Variants in SIGLEC10 observed in about 807,000 individuals in gnomAD.
SIGLEC10 encodes sialic acid-binding Ig-like lectin 10.
SIGLEC10 carries 45 observed loss-of-function variants against 68.3 expected under a neutral mutation model. That is an observed-to-expected ratio of 0.66 (90% confidence interval 0.52 to 0.84). The LOEUF (loss-of-function observed/expected upper bound fraction) is 0.84. SIGLEC10 is among the 40% of genes least tolerant of loss of function. SIGLEC10 has a pLI of 0.00. For synonymous variants in SIGLEC10, 379 were observed against 370.8 expected, an observed-to-expected ratio of 1.02 and a Z score of -0.26; for missense variants, 789 against 883.1, an observed-to-expected ratio of 0.89 and a Z score of 1.35.
At chr19:51,415,643 A>T in intron 5 of SIGLEC10, 28 bp from the exon 6 acceptor site, 1 of 1,613,922 alleles carries the variant, frequency 6.2e-7, no homozygotes, top group South Asian at 1.1e-5. Context: ...GACCGGCTCT[A>T]GACGGACCAG....
rs770204126 is a variant in SIGLEC10 at position 51,417,433 on chromosome 19, G to A, written c.70C>T (p.Arg24Ter). 1.1e-5 allele frequency: 18 copies of A among 1,613,852 alleles called. No individual in the cohort carries two copies. Among genetic ancestry groups the A allele is most frequent in the East Asian group, 4.5e-5 (2 of 44,878 alleles). Reference protein sequence around the residue: ...SQAMDGRFWIRVQESVMVPEG... With the variant: ...SQAMDGRFWI ...GGCACCATCACTGACTCCTGCACTC[G>A]TATCCAGAATCTCCCATCCATAGCC... Residue 24 changes from arginine to a stop codon, truncating the protein, a stop_gained, in exon 2 of 11, where the codon CGA (arginine) becomes TGA (stop). Transcript: ENST00000339313. LOFTEE classifies it high-confidence loss of function.
At chr19:51,412,867 A>C (rs113192195) in intron 10 of SIGLEC10, among the ~76,000 whole-genome samples, 10 of 152,036 alleles carry the variant, frequency 6.6e-5, no homozygotes, top group African/African-American at 2.4e-4. Context: ...TCCCAGGCTC[A>C]AGAGATCCTC....
At chr19:51,417,018 C>A in intron 2 of SIGLEC10, 64 bp downstream of exon 2, 1 of 1,597,796 alleles carries the variant, frequency 6.3e-7, no homozygotes, top group Non-Finnish European at 8.5e-7. Flanking sequence ...TCTGCTCAGC[C>A]CATAGGCTGT....
In SIGLEC10 at chr19:51,410,455, C is replaced by T. The variant is rs1987902383; in HGVS notation, c.*644G>A. On this transcript the variant is annotated 3_prime_UTR_variant, in exon 11 of 11. Transcript: ENST00000339313. ...GCCTCATTTTATTCAGCTCCTATTC[C>T]AGATGGAGTTGCTCTGGTTTAAATG... The T allele has an allele frequency of 6.6e-6, 1 of 152,374 alleles. No individual in the cohort carries two copies. The highest frequency in any genetic ancestry group is 1.5e-5 in the Non-Finnish European group (1 of 68,202). The allele number at this position is 152,374 out of a possible 1,614,324, so 9.4% of individuals were successfully genotyped here. A position where few individuals can be genotyped will look rare whatever the true frequency, so the allele number is the denominator to read the frequency against.
chr19:51,411,141 G>C lies in SIGLEC10; in HGVS notation c.2052C>G (p.Pro684=), dbSNP rs904627115. 3 of 1,614,174 alleles carry C rather than the reference G, an allele frequency of 1.9e-6. No homozygotes were observed. The highest frequency in any genetic ancestry group is 1.1e-5 in the South Asian group (1 of 91,086). The change falls in exon 11 of 11, where the codon CCC becomes CCG. Residue 684 remains proline (P), a synonymous_variant. Transcript: ENST00000339313. ...GVRPRPEARM[P]KGTQADYAEV... ...CTGCATAATCCGCCTGGGTGCCCTT[G>C]GGCATCCGGGCCTCAGGCCTGGGTC...
At chr19:51,412,628 C>A (rs1043911917) in intron 10 of SIGLEC10, among the ~76,000 whole-genome samples, 8 of 151,988 alleles carry the variant, frequency 5.3e-5, no homozygotes, top group Non-Finnish European at 1.0e-4. Flanking sequence ...GCACCCATCA[C>A]CATGCCCAGG....
chr19:51,415,408 A>G lies in SIGLEC10; in HGVS notation c.1103T>C (p.Leu368Pro). The change falls in exon 7 of 11, where the codon CTC becomes CCC. Residue 368 changes from leucine to proline, a missense_variant. Physicochemically the swap from Leu to Pro is moderately conservative, Grantham distance 98. Transcript: ENST00000339313. ...VLENLGNGTS[L>P]PVLEGQSLCL... ...CAGGCTTTGGCCCTCCAGTACTGGG[A>G]GAGACGTGCCGTTCCCAAGGTTTTC... The G allele has an allele frequency of 1.2e-6, 2 of 1,606,670 alleles. No individual in the cohort carries two copies. Among genetic ancestry groups the G allele is most frequent in the South Asian group, 2.2e-5 (2 of 90,404 alleles).
chr19:51,416,620 C>A lies in SIGLEC10; in HGVS notation c.706+46G>T, dbSNP rs746164618. The stretch of plus-strand genomic sequence containing the variant: ...CCCACTGGGCTCCTCCACCTCCCCA[C>A]CCACCGGGGCTGTCTGCACACCCCA... On this transcript the variant is annotated intron_variant, in intron 3 of 10. Coordinates refer to ENST00000339313, the MANE Select transcript of SIGLEC10 (RefSeq NM_033130.5). 1.1e-5 allele frequency: 18 copies of A among 1,610,876 alleles called. No homozygotes were observed. The Admixed American group carries it at 2.7e-4, about 24-fold the overall frequency.
At position 51,417,191 on chromosome 19, in the gene SIGLEC10, C is replaced by T. The variant is rs758290398; in HGVS notation, c.312G>A (p.Val104=). 5.6e-6 allele frequency: 9 copies of T among 1,614,250 alleles called. No homozygotes were observed. The highest frequency in any genetic ancestry group is 6.8e-6 in the Non-Finnish European group (8 of 1,180,042). The part of the protein sequence containing the change: ...GDPAKGNCSL[V]IRDAQMQDES... ...CATCCTGCATCTGCGCGTCTCTGAT[C>T]ACCAAGGAGCAGTTCCCCTTGGCGG... is the stretch of plus-strand genomic sequence containing the variant. Residue 104 remains valine (V), a synonymous_variant, in exon 2 of 11, where the codon GTG becomes GTA. Transcript: ENST00000339313.
rs1407489346 is a variant in SIGLEC10, at chr19:51,413,747, C to A, written c.1786G>T (p.Asp596Tyr). 2 of 1,614,142 alleles carry A rather than the reference C, an allele frequency of 1.2e-6. No individual in the cohort carries two copies. Among genetic ancestry groups the A allele is most frequent in the East Asian group, 2.2e-5 (1 of 44,874 alleles). ...PRFSRHSTIL[D>Y]YINVVPTAGP... ...GCCGTCGGGACCACATTGATGTAATCCAGGATCGTGCTGTGCCGGGAGAAC... is the reference window on the plus strand; with the variant it reads ...GCCGTCGGGACCACATTGATGTAATACAGGATCGTGCTGTGCCGGGAGAAC... The change falls in exon 10 of 11, where the codon GAT (aspartate) becomes TAT (tyrosine). Residue 596 changes from aspartate to tyrosine, a missense_variant. Asp to Tyr is a radical substitution (Grantham distance 160). Transcript: ENST00000339313.
At chr19:51,415,541 C>T (rs1015243976) in intron 6 of SIGLEC10, 27 bp downstream of exon 6, 3 of 1,613,796 alleles carry the variant, frequency 1.9e-6, no homozygotes, top group Admixed American at 3.3e-5. Flanking sequence ...CACTGAGAGG[C>T]CTTGGCTCCT....
rs1240643781 is a variant in SIGLEC10 at position 51,415,092 on chromosome 19, C to T, written c.1347G>A (p.Leu449=). 5 of 1,577,560 alleles carry T rather than the reference C, an allele frequency of 3.2e-6. No homozygotes were observed. In the Admixed American group the frequency reaches 9.4e-5, roughly 30 times the overall value. ...SLSVHYSPKL[L]GPSCSWEAEG... ...CAGCCTCCCAGGAGCAGGAGGGGCCCAGCAGCTTCGGGGAGTCTGAGGGGA... is the reference window on the plus strand; with the variant it reads ...CAGCCTCCCAGGAGCAGGAGGGGCCTAGCAGCTTCGGGGAGTCTGAGGGGA... The change falls in exon 8 of 11, where the codon CTG becomes CTA. Residue 449 remains leucine (L), a synonymous_variant. Transcript: ENST00000339313.
At chr19:51,416,405 C>T in intron 3 of SIGLEC10, 48 bp from the exon 4 acceptor site, 1 of 1,613,856 alleles carries the variant, frequency 6.2e-7, no homozygotes, top group African/African-American at 1.3e-5. Flanking sequence ...ATTTATTCCT[C>T]ACACCTGGAA....
chr19:51,413,804 T>C lies in SIGLEC10; in HGVS notation c.1729A>G (p.Arg577Gly). The C allele has an allele frequency of 6.2e-7, 1 of 1,614,128 alleles. No individual in the cohort carries two copies. Among genetic ancestry groups the C allele is most frequent in the Non-Finnish European group, 8.5e-7 (1 of 1,180,010 alleles). Residue 577 changes from arginine to glycine, a missense_variant, in exon 10 of 11, where the codon AGA (arginine) becomes GGA (glycine). Coordinates refer to ENST00000339313, the MANE Select transcript of SIGLEC10 (RefSeq NM_033130.5). ...CTCGGGGTTTCTGTCTGAGTCCGTCTCTTCGGTAGAATCTTCATGCTGAGG... is the reference window on the plus strand; with the variant it reads ...CTCGGGGTTTCTGTCTGAGTCCGTCCCTTCGGTAGAATCTTCATGCTGAGG... ...ALIIMKILPK[R>G]RTQTETPRPR...
rs776372629 is a variant in SIGLEC10, at chr19:51,411,344, G to A, written c.1849C>T (p.Pro617Ser). Residue 617 changes from proline to serine, a missense_variant, in exon 11 of 11, where the codon CCA (proline) becomes TCA (serine). By Grantham distance (74) the Pro-to-Ser change is moderately conservative (BLOSUM62 -1). Coordinates refer to ENST00000339313, the MANE Select transcript of SIGLEC10 (RefSeq NM_033130.5). ...LAQKRNQKAT[P>S]NSPRTPLPPG... is the part of the protein sequence containing the mutation. ...GGAAGAGGGGTCCGAGGACTGTTTG[G>A]TGTGGCTTTCTGATTCCGCTTCTGA... 3 of 1,614,134 alleles carry A rather than the reference G, an allele frequency of 1.9e-6. No homozygotes were observed. Among genetic ancestry groups the A allele is most frequent in the Admixed American group, 1.7e-5 (1 of 60,020 alleles).
rs1988787593 is a variant in SIGLEC10 at position 51,417,252 on chromosome 19, A to G, written c.251T>C (p.Met84Thr). 1.2e-6 allele frequency: 2 copies of G among 1,614,122 alleles called. No individual in the cohort carries two copies. ...GAGCTGGAATCGGCCCCGGGTGCTCATTTCCACCTCTCGACTCTGGTGGTT... is the reference window on the plus strand; with the variant it reads ...GAGCTGGAATCGGCCCCGGGTGCTCGTTTCCACCTCTCGACTCTGGTGGTT... The part of the protein sequence containing the change: ...ATNHQSREVE[M>T]STRGRFQLTG... The change falls in exon 2 of 11, where the codon ATG becomes ACG. Residue 84 changes from methionine to threonine, a missense_variant. Physicochemically the swap from Met to Thr is moderately conservative, Grantham distance 81. Coordinates refer to ENST00000339313, the MANE Select transcript of SIGLEC10 (RefSeq NM_033130.5).
Position 51,416,675 on chromosome 19 carries a change from G to C in SIGLEC10, c.697C>G (p.Arg233Gly). The stretch of plus-strand genomic sequence containing the variant: ...CCCAGGCCACACTCACAGGCCACAC[G>C]GAGTCGGACGGTCCTCTGTGCGCTC... ...GVSAQRTVRL[R>G]VAYAPRDLVI... Residue 233 changes from arginine (R) to glycine (G), a missense_variant, in exon 3 of 11, where the codon CGT (arginine) becomes GGT (glycine). Coordinates refer to ENST00000339313, the MANE Select transcript of SIGLEC10 (RefSeq NM_033130.5). The C allele has an allele frequency of 6.2e-7, 1 of 1,613,580 alleles. No individual in the cohort carries two copies. Among genetic ancestry groups the C allele is most frequent in the Non-Finnish European group, 8.5e-7 (1 of 1,179,976 alleles).
At chr19:51,417,516 A>G (rs781657678) in intron 1 of SIGLEC10, 29 bp downstream of exon 1, 10 of 1,614,212 alleles carry the variant, frequency 6.2e-6, no homozygotes, top group Middle Eastern at 1.6e-4. Flanking sequence ...GCTCCGCCCC[A>G]GGTCCTTTCC....
intron 10 of SIGLEC10, among the ~76,000 whole-genome samples, chr19:51,411,816 A>G (rs1258159791): frequency 6.6e-6 from 1 of 152,120 alleles, no homozygotes; most frequent in African/African-American, 2.4e-5. Flanking sequence ...ACTGCACTCC[A>G]GCCCGGACAA....
Sources: gnomAD v4.1 joint callset for allele counts (sites outside exome capture counted in the v4.1 genomes callset) on GRCh38, gnomAD v4.1.1 for gene constraint, MANE v1.5 for transcripts, NCBI Gene and HGNC (gene_info 2026-07-23, HGNC 2026-07-21) for gene names.